Variants in ATXN7L1 observed in about 807,000 individuals in gnomAD.
ATXN7L1 encodes the protein ataxin-7-like protein 1.
A neutral mutation model predicts 70.8 loss-of-function variants in ATXN7L1; 15 were observed. That is an observed-to-expected ratio of 0.21 (90% CI 0.14 to 0.33). The LOEUF is 0.33. Ranked by LOEUF, ATXN7L1 falls within the 10% of genes least tolerant of loss-of-function variation. ATXN7L1 has a pLI of 1.00. For synonymous variants in ATXN7L1, 440 were observed against 445.1 expected, an observed-to-expected ratio of 0.99 and a Z score of 0.14; for missense variants, 975 against 1,097.1, an observed-to-expected ratio of 0.89 and a Z score of 1.57.
At chr7:105,862,767 A>G (rs774281550) in intron 2 of ATXN7L1, among the ~76,000 whole-genome samples, 1 of 152,180 alleles carries the variant, frequency 6.6e-6, no homozygotes, top group Non-Finnish European at 1.5e-5. Context: ...GGCAATCACT[A>G]TAAAATGCTT....
At position 105,848,796 on chromosome 7, in the gene ATXN7L1, G is replaced by A. The variant is rs558677119; in HGVS notation, c.250+27016C>T. Among the ~76,000 whole-genome samples, 103 of 152,146 alleles carry A rather than the reference G, an allele frequency of 6.8e-4. 1 individual carries two copies. The highest frequency in any genetic ancestry group is 6.8e-3 in the Middle Eastern group (2 of 294). ...CCAGGCCCTCCATGATTGCAGCTCC[G>A]TGCACCCAGCCTAGAGCATGCTGCT... On this transcript the variant is annotated intron_variant, in intron 2 of 11. Transcript: ENST00000419735.
chr7:105,706,705 C>CA (rs1793219088), intron 3 of ATXN7L1, among the ~76,000 whole-genome samples: 1 of 152,254 alleles, frequency 6.6e-6, no homozygotes, highest in South Asian at 2.1e-4. Context: ...AGGCTGCACT[C>CA]ACCAACTCTG....
chr7:105,746,670 A>C (rs1390798946), intron 3 of ATXN7L1, among the ~76,000 whole-genome samples: 2 of 152,212 alleles, frequency 1.3e-5, no homozygotes, highest in Non-Finnish European at 2.9e-5. Flanking sequence ...AGACACAGGG[A>C]ATCTATGTGG....
chr7:105,664,885 G>A (rs960600966), intron 4 of ATXN7L1, among the ~76,000 whole-genome samples, 181 bp downstream of exon 4: 5 of 151,954 alleles, frequency 3.3e-5, no homozygotes, highest in African/African-American at 1.2e-4. Context: ...GGTCCCACAT[G>A]CCCTCTAATA....
chr7:105,727,631 T>G (rs1466865992), intron 3 of ATXN7L1, among the ~76,000 whole-genome samples: 1 of 143,156 alleles, frequency 7.0e-6, no homozygotes, highest in South Asian at 2.2e-4. Context: ...ATAGTGCCAT[T>G]GCACTCCAGC....
chr7:105,646,417 T>G (rs1465630612), intron 4 of ATXN7L1, among the ~76,000 whole-genome samples: 1 of 152,142 alleles, frequency 6.6e-6, no homozygotes, highest in East Asian at 1.9e-4. Flanking sequence ...AGGCCAGGTG[T>G]TTTTTTGTTT....
intron 3 of ATXN7L1, among the ~76,000 whole-genome samples, chr7:105,733,874 CCATCCATCATCCAT>C (rs771092472): frequency 6.0e-4 from 86 of 144,046 alleles, no homozygotes; most frequent in Non-Finnish European, 8.9e-4. Flanking sequence ...ATCCATCCAT[CCATCCATCATCCAT>C]CATCCATCCA....
intron 3 of ATXN7L1, among the ~76,000 whole-genome samples, chr7:105,787,605 C>A (rs79855517): frequency 4.5e-4 from 68 of 152,204 alleles, no homozygotes; most frequent in Admixed American, 3.3e-4. Flanking sequence ...GCTCAACTCC[C>A]TTTATTTTAT....
chr7:105,736,054 A>G (rs975896640), intron 3 of ATXN7L1, among the ~76,000 whole-genome samples: 2 of 152,212 alleles, frequency 1.3e-5, no homozygotes, highest in African/African-American at 4.8e-5. Flanking sequence ...TGGCTTCTGA[A>G]GATGGGTGAT....
At chr7:105,659,878 C>G (rs1010204047) in intron 4 of ATXN7L1, among the ~76,000 whole-genome samples, 1 of 151,960 alleles carries the variant, frequency 6.6e-6, no homozygotes, top group African/African-American at 2.4e-5. Flanking sequence ...CATTTCTTTT[C>G]TCTTTCTTTT....
At chr7:105,822,616 G>C (rs1810324781) in intron 2 of ATXN7L1, among the ~76,000 whole-genome samples, 1 of 152,204 alleles carries the variant, frequency 6.6e-6, no homozygotes, top group Admixed American at 6.5e-5. Flanking sequence ...AACACCTACA[G>C]AGCTCATTTC....
chr7:105,746,626 CTTTG>C (rs752582446), intron 3 of ATXN7L1, among the ~76,000 whole-genome samples: 1 of 152,206 alleles, frequency 6.6e-6, no homozygotes, highest in Non-Finnish European at 1.5e-5. Flanking sequence ...TCATACACTT[CTTTG>C]TTTACTATTA....
intron 7 of ATXN7L1, among the ~76,000 whole-genome samples, chr7:105,625,810 G>T (rs1795620496): frequency 6.6e-6 from 1 of 152,218 alleles, no homozygotes; most frequent in Non-Finnish European, 1.5e-5. Flanking sequence ...CGCATTAGCA[G>T]AAGAGTTAGA....
intron 2 of ATXN7L1, among the ~76,000 whole-genome samples, chr7:105,811,599 A>G (rs1301674689): frequency 6.6e-6 from 1 of 152,188 alleles, no homozygotes; most frequent in African/African-American, 2.4e-5. Flanking sequence ...CAGGCTGCTG[A>G]CAGGAGTCTG....
intron 3 of ATXN7L1, among the ~76,000 whole-genome samples, chr7:105,721,872 T>C (rs1795222459): frequency 6.6e-6 from 1 of 152,186 alleles, no homozygotes; most frequent in Non-Finnish European, 1.5e-5. Flanking sequence ...TTGAGAAATT[T>C]TGACATGAAT....
intron 3 of ATXN7L1, among the ~76,000 whole-genome samples, chr7:105,715,616 C>G (rs1794446835): frequency 6.6e-6 from 1 of 152,246 alleles, no homozygotes; most frequent in Non-Finnish European, 1.5e-5. Flanking sequence ...AGCACATGCT[C>G]AAATGTCATC....
In ATXN7L1 at chr7:105,741,532, T is replaced by A. The variant is rs1798020715; in HGVS notation, c.355+47072A>T. On this transcript the variant is annotated intron_variant, in intron 3 of 11. Transcript: ENST00000419735. Reference sequence around the variant, plus strand: ...GGTGAAAATGCAGTCGAAGAATGATTTTTCAGCCCGTGTGGAAGGTGAGTG... The same window carrying A: ...GGTGAAAATGCAGTCGAAGAATGATATTTCAGCCCGTGTGGAAGGTGAGTG... 1.3e-5 allele frequency among the ~76,000 whole-genome samples: 2 copies of A among 152,076 alleles called. 1 individual carries two copies. Among genetic ancestry groups the A allele is most frequent in the Middle Eastern group, 6.3e-3 (2 of 316 alleles).
intron 3 of ATXN7L1, among the ~76,000 whole-genome samples, chr7:105,764,387 T>A (rs1215711279): frequency 3.3e-5 from 5 of 151,456 alleles, no homozygotes; most frequent in African/African-American, 1.2e-4. Context: ...GCCAACAGCA[T>A]CAGCGTCATC....
At chr7:105,696,764 C>T (rs992330785) in intron 3 of ATXN7L1, among the ~76,000 whole-genome samples, 4 of 152,230 alleles carry the variant, frequency 2.6e-5, no homozygotes, top group African/African-American at 4.8e-5. Context: ...TGCTGGAGAG[C>T]TCAGTACATC....
Sources: gnomAD v4.1 joint callset for allele counts (sites outside exome capture counted in the v4.1 genomes callset) on GRCh38, gnomAD v4.1.1 for gene constraint, MANE v1.5 for transcripts, NCBI Gene and HGNC (gene_info 2026-07-23, HGNC 2026-07-21) for gene names.